Variants in SPX observed in about 807,000 individuals in gnomAD.
SPX encodes spexin.
A neutral mutation model predicts 19.2 loss-of-function variants in SPX; 22 were observed. The observed-to-expected ratio is 1.15, with a 90% CI of 0.82 to 1.64. SPX has a LOEUF of 1.64. Ranked by LOEUF, SPX falls within the 40% of genes most tolerant of loss-of-function variation. The pLI is 0.00. For missense variants in SPX, 143 were observed against 137.7 expected, an observed-to-expected ratio of 1.04 and a Z score of -0.19; for synonymous variants, 50 against 53.3, an observed-to-expected ratio of 0.94 and a Z score of 0.27.
chr12:21,526,545 C>T, intron 1 of SPX, 67 bp downstream of exon 1: 1 of 1,430,402 alleles, frequency 7.0e-7, no homozygotes, highest in Non-Finnish European at 9.7e-7. Flanking sequence ...AGCATTTTAC[C>T]TATTTCATGT....
chr12:21,530,208 C>G (rs1231630823), intron 5 of SPX, among the ~76,000 whole-genome samples: 2 of 152,024 alleles, frequency 1.3e-5, no homozygotes, highest in East Asian at 3.8e-4. Context: ...AATCACTAGT[C>G]TTCTTTAGTA....
chr12:21,526,432 TAA>T lies in SPX; in HGVS notation c.-39_-38del, dbSNP rs1263739151. On this transcript the variant is annotated 5_prime_UTR_variant, in exon 1 of 6. The change abolishes the stop of an existing upstream ORF in the 5' untranslated region. Transcript: ENST00000256969. ...AGAGCAAGAGTCGAAAACTCACAGATAAAGTTATAGTTATTTCAGGGTTCTGA... is the reference window on the plus strand; with the variant it reads ...AGAGCAAGAGTCGAAAACTCACAGATAGTTATAGTTATTTCAGGGTTCTGA... 3 of 1,563,708 alleles carry T rather than the reference TAA, an allele frequency of 1.9e-6. No homozygotes were observed. Among genetic ancestry groups the T allele is most frequent in the Non-Finnish European group, 2.6e-6 (3 of 1,146,796 alleles).
intron 1 of SPX, 91 bp from the exon 2 acceptor site, chr12:21,526,795 A>G: frequency 4.1e-6 from 5 of 1,223,328 alleles, no homozygotes; most frequent in Non-Finnish European, 6.0e-6. Context: ...GCGAGAAGTA[A>G]GGGGGTTTAT....
intron 5 of SPX, 148 bp downstream of exon 5, chr12:21,529,232 G>T: frequency 1.4e-6 from 1 of 691,684 alleles, no homozygotes; most frequent in Non-Finnish European, 2.5e-6. Flanking sequence ...TGAGGCCCAA[G>T]AATCTCTGTC....
At chr12:21,530,334 C>G (rs1291021044) in intron 5 of SPX, among the ~76,000 whole-genome samples, 1 of 151,994 alleles carries the variant, frequency 6.6e-6, no homozygotes, top group Non-Finnish European at 1.5e-5. Context: ...GTTTTGTTTT[C>G]TTCCTTCCCT....
rs1345560231 is a variant in SPX at position 21,532,587 on chromosome 12, A to C, written c.*1392A>C. 1 of 152,216 alleles carries C rather than the reference A, an allele frequency of 6.6e-6. No individual in the cohort carries two copies. The highest frequency in any genetic ancestry group is 2.4e-5 in the African/African-American group (1 of 41,460). The allele number at this position is 152,216 out of a possible 1,614,324, so 9.4% of individuals were successfully genotyped here. A position where few individuals can be genotyped will look rare whatever the true frequency, so the allele number is the denominator to read the frequency against. On this transcript the variant is annotated 3_prime_UTR_variant, in exon 6 of 6. Coordinates refer to ENST00000256969, the MANE Select transcript of SPX (RefSeq NM_030572.4). ...AGTAGACTTACTAGGTAGTGCTTAC[A>C]TCTGATTTATTGAAAATTTTTTCCA...
intron 4 of SPX, chr12:21,528,068 C>T (rs560439716): frequency 1.1e-5 from 5 of 434,964 alleles, no homozygotes; most frequent in Non-Finnish European, 2.1e-5. Flanking sequence ...GCCTTATTGG[C>T]TTGCGGCTGT....
chr12:21,527,234 C>A, intron 3 of SPX, 42 bp downstream of exon 3: 1 of 1,536,664 alleles, frequency 6.5e-7, no homozygotes, highest in East Asian at 2.2e-5. Flanking sequence ...TAATGGAAGA[C>A]CCCTAGGAGT....
chr12:21,529,152 T>G (rs768913485), intron 5 of SPX, 68 bp downstream of exon 5: 1 of 1,451,224 alleles, frequency 6.9e-7, no homozygotes, highest in Non-Finnish European at 9.7e-7. Flanking sequence ...GATTCTGTGT[T>G]GAGTGCAACA....
In SPX at chr12:21,526,893, G is replaced by A. The variant is rs1380947944; in HGVS notation, c.14G>A (p.Arg5Lys). Residue 5 changes from arginine (R) to lysine (K), a missense_variant, in exon 2 of 6, where the codon AGA becomes AAA. Physicochemically the swap from Arg to Lys is conservative, Grantham distance 26. Coordinates refer to ENST00000256969, the MANE Select transcript of SPX (RefSeq NM_030572.4). ...GTTGATCGCTTCATATAGGGACTCA[G>A]AAGTCTGGCAGCAACAACCTTGGCT... Reference protein sequence around the residue: MKGLRSLAATTLALF... With the variant: MKGLKSLAATTLALF... 1.2e-6 allele frequency: 2 copies of A among 1,614,218 alleles called. No homozygotes were observed. Among genetic ancestry groups the A allele is most frequent in the Admixed American group, 1.7e-5 (1 of 60,032 alleles).
At chr12:21,528,792 G>T (rs890843338) in intron 4 of SPX, among the ~76,000 whole-genome samples, 2 of 152,072 alleles carry the variant, frequency 1.3e-5, no homozygotes. Flanking sequence ...TCCATACCCT[G>T]TTTGTAAACT....
intron 5 of SPX, among the ~76,000 whole-genome samples, chr12:21,530,412 A>G (rs1421801656): frequency 1.3e-5 from 2 of 152,172 alleles, no homozygotes; most frequent in Non-Finnish European, 2.9e-5. Context: ...ATGTAACCCA[A>G]ACATTCAAAT....
chr12:21,527,177 T>C lies in SPX; in HGVS notation c.130T>C (p.Tyr44His), dbSNP rs201220941. 198 of 1,613,874 alleles carry C rather than the reference T, an allele frequency of 1.2e-4. No homozygotes were observed. Among genetic ancestry groups the C allele is most frequent in the Non-Finnish European group, 2.5e-6 (3 of 1,179,960 alleles). The change falls in exon 3 of 6, where the codon TAC (tyrosine) becomes CAC (histidine). Residue 44 changes from tyrosine (Y) to histidine (H), a missense_variant. Transcript: ENST00000256969. ...GAACTGGACTCCTCAAGCTATGCTC[T>C]ACCTGAAAGGGGCACGTAAGTTCCA... Reference protein sequence around the residue: ...RRNWTPQAMLYLKGAQGRRFI... With the variant: ...RRNWTPQAMLHLKGAQGRRFI...
Position 21,531,267 on chromosome 12 carries a change from G to A in SPX, c.*72G>A. On this transcript the variant is annotated 3_prime_UTR_variant, in exon 6 of 6. Coordinates refer to ENST00000256969, the MANE Select transcript of SPX (RefSeq NM_030572.4). ...CATGAACCATGTGAATAAAACCTTTGGACCCTTTTATTCCATTTGTAATCT... is the reference window on the plus strand; with the variant it reads ...CATGAACCATGTGAATAAAACCTTTAGACCCTTTTATTCCATTTGTAATCT... The A allele has an allele frequency of 8.8e-7, 1 of 1,142,020 alleles. No homozygotes were observed. The highest frequency in any genetic ancestry group is 1.2e-6 in the Non-Finnish European group (1 of 803,076). The allele number at this position is 1,142,020 out of a possible 1,614,324, so 70.7% of individuals were successfully genotyped here.
intron 2 of SPX, 76 bp downstream of exon 2, chr12:21,527,042 T>A: frequency 6.3e-7 from 1 of 1,584,946 alleles, no homozygotes; most frequent in South Asian, 1.1e-5. Context: ...TCTTCCTTCT[T>A]GTTTTATTCT....
At chr12:21,526,837 G>T in intron 1 of SPX, 49 bp from the exon 2 acceptor site, 1 of 1,534,692 alleles carries the variant, frequency 6.5e-7, no homozygotes, top group Non-Finnish European at 9.0e-7. Flanking sequence ...GGAAGCAGAA[G>T]ATCCTATTGG....
intron 4 of SPX, among the ~76,000 whole-genome samples, chr12:21,528,632 A>G (rs1193663863): frequency 6.6e-6 from 1 of 152,212 alleles, no homozygotes; most frequent in East Asian, 1.9e-4. Flanking sequence ...TTTGTGCTGA[A>G]TCAGAACAAT....
At position 21,531,752 on chromosome 12, in the gene SPX, T is replaced by C. The variant is rs1022785798; in HGVS notation, c.*557T>C. Reference sequence around the variant, plus strand: ...GCTCTGTGATAGGAACACTTCAGTGTGGTTGCTGAGAGGAGACAGTCATTG... The same window carrying C: ...GCTCTGTGATAGGAACACTTCAGTGCGGTTGCTGAGAGGAGACAGTCATTG... On this transcript the variant is annotated 3_prime_UTR_variant, in exon 6 of 6. Coordinates refer to ENST00000256969, the MANE Select transcript of SPX (RefSeq NM_030572.4). The C allele has an allele frequency of 6.6e-6, 1 of 152,218 alleles. No individual in the cohort carries two copies. Among genetic ancestry groups the C allele is most frequent in the Non-Finnish European group, 1.5e-5 (1 of 68,068 alleles). The allele number at this position is 152,218 out of a possible 1,614,324, so 9.4% of individuals were successfully genotyped here.
intron 2 of SPX, 66 bp downstream of exon 2, chr12:21,527,032 T>TCTTC: frequency 6.3e-7 from 1 of 1,587,210 alleles, no homozygotes; most frequent in Non-Finnish European, 8.6e-7. Flanking sequence ...GCTCTTTCTT[T>TCTTC]CTTCCTTCTT....
Sources: allele counts gnomAD v4.1 joint callset (sites outside exome capture counted in the v4.1 genomes callset), GRCh38; gene constraint gnomAD v4.1.1; transcripts MANE v1.5; gene names NCBI Gene and HGNC (gene_info 2026-07-23, HGNC 2026-07-21).